Variants in DLGAP2 observed in about 807,000 individuals in gnomAD.
The protein encoded by DLGAP2 is DLG associated protein 2.
In DLGAP2, 26 loss-of-function variants were observed where a neutral mutation model predicts 100.3. The observed-to-expected ratio is 0.26, with a 90% confidence interval of 0.19 to 0.36. The LOEUF (loss-of-function observed/expected upper bound fraction) is 0.36, where lower values mean the gene tolerates loss of function less well. Ranked by LOEUF, DLGAP2 falls within the 10% of genes least tolerant of loss-of-function variation. DLGAP2 has a pLI of 1.00. For missense variants in DLGAP2, 1,858 were observed against 1,453.2 expected, an observed-to-expected ratio of 1.28 and a Z score of -4.53; for synonymous variants, 886 against 630.1, an observed-to-expected ratio of 1.41 and a Z score of -6.08.
intron 3 of DLGAP2, among the ~76,000 whole-genome samples, chr8:1,501,056 A>G (rs943837695): frequency 1.3e-5 from 2 of 152,168 alleles, no homozygotes; most frequent in African/African-American, 4.8e-5. Flanking sequence ...TCCAATGCAA[A>G]TAAGGCCTAA....
chr8:1,635,677 C>T (rs1376292880), intron 8 of DLGAP2, among the ~76,000 whole-genome samples: 1 of 152,124 alleles, frequency 6.6e-6, no homozygotes, highest in Non-Finnish European at 1.5e-5. Flanking sequence ...TTTATGCAGG[C>T]TCAAAAGGTA....
chr8:1,162,057 G>A (rs965963630), intron 2 of DLGAP2, among the ~76,000 whole-genome samples: 7 of 152,206 alleles, frequency 4.6e-5, no homozygotes, highest in African/African-American at 9.6e-5. Flanking sequence ...CGGAGCCTGC[G>A]TTTGCAGCAG....
chr8:1,001,998 C>G (rs1464914966), intron 2 of DLGAP2: 1 of 152,198 alleles, frequency 6.6e-6, no homozygotes, highest in Non-Finnish European at 1.5e-5. Flanking sequence ...TTTTCCTACA[C>G]AATATACGAT....
At chr8:1,471,897 C>G (rs910288780) in intron 3 of DLGAP2, among the ~76,000 whole-genome samples, 2 of 152,216 alleles carry the variant, frequency 1.3e-5, no homozygotes, top group Non-Finnish European at 2.9e-5. Context: ...CGCAGGCCTG[C>G]GGTCCGTAAA....
At chr8:1,494,865 T>C in intron 3 of DLGAP2, among the ~76,000 whole-genome samples, 1 of 152,192 alleles carries the variant, frequency 6.6e-6, no homozygotes, top group East Asian at 1.9e-4. Flanking sequence ...CTAACTCTTC[T>C]GTGGCGGCAG....
At chr8:793,079 C>T (rs1275273520) in intron 1 of DLGAP2, among the ~76,000 whole-genome samples, 1 of 152,220 alleles carries the variant, frequency 6.6e-6, no homozygotes, top group African/African-American at 2.4e-5. Flanking sequence ...TTACTATCAG[C>T]CCTCCTTTCT....
rs149711990 is a variant in DLGAP2 at position 1,322,266 on chromosome 8, A to G, written c.106+63383A>G. Among the ~76,000 whole-genome samples, 599 of 152,364 alleles carry G rather than the reference A, an allele frequency of 3.9e-3. 6 individuals are homozygous for G. Among genetic ancestry groups the G allele is most frequent in the African/African-American group, 0.014 (576 of 41,588 alleles). On this transcript the variant is annotated intron_variant, in intron 3 of 14. Transcript: ENST00000637795. ...GTATTTCATATTTTCCAAAAATACA[A>G]TTTTAGTTAAAAGCCAAGCATACTG...
At chr8:1,557,042 G>A (rs991596495) in intron 5 of DLGAP2, among the ~76,000 whole-genome samples, 1 of 152,116 alleles carries the variant, frequency 6.6e-6, no homozygotes, top group Admixed American at 6.5e-5. Flanking sequence ...CACGGGGGTG[G>A]GGGCTGGGAG....
chr8:982,715 C>G (rs1387982955), intron 2 of DLGAP2, among the ~76,000 whole-genome samples: 1 of 152,124 alleles, frequency 6.6e-6, no homozygotes, highest in Non-Finnish European at 1.5e-5. Context: ...GTGAATGCTG[C>G]TGACCTAACC....
At chr8:1,286,463 G>T (rs553742741) in intron 3 of DLGAP2, among the ~76,000 whole-genome samples, 1 of 152,344 alleles carries the variant, frequency 6.6e-6, no homozygotes, top group African/African-American at 2.4e-5. Flanking sequence ...GTTACCATCT[G>T]TGGAAGAGCT....
At chr8:1,700,708 G>T (rs1394167702) in intron 14 of DLGAP2, among the ~76,000 whole-genome samples, 1 of 152,108 alleles carries the variant, frequency 6.6e-6, no homozygotes, top group African/African-American at 2.4e-5. Flanking sequence ...GTGTTTCCCC[G>T]CACACCCATT....
chr8:1,027,137 T>C (rs949319722), intron 2 of DLGAP2, among the ~76,000 whole-genome samples: 6 of 152,152 alleles, frequency 3.9e-5, no homozygotes, highest in African/African-American at 1.2e-4. Context: ...ACAGAAAAGG[T>C]ATAAACACAA....
At chr8:1,449,681 T>A (rs1286284525) in intron 3 of DLGAP2, among the ~76,000 whole-genome samples, 1 of 152,078 alleles carries the variant, frequency 6.6e-6, no homozygotes, top group African/African-American at 2.4e-5. Context: ...CAGCAGAAGG[T>A]GGGAGCAGGG....
rs190535345 is a variant in DLGAP2, at chr8:968,517, C to T, written c.73+60551C>T. Among the ~76,000 whole-genome samples the T allele has an allele frequency of 9.2e-5, 14 of 152,304 alleles. 1 individual carries two copies. The highest frequency in any genetic ancestry group is 3.9e-4 in the East Asian group (2 of 5,172). ...TCACTCGTGCACTTCTACTAGAAGA[C>T]GGGGCTCCCTGGGATCCCTGTGGGG... On this transcript the variant is annotated intron_variant, in intron 2 of 14. Coordinates refer to ENST00000637795, the MANE Select transcript of DLGAP2 (RefSeq NM_001346810.2).
At chr8:1,423,318 C>T (rs1028449155) in intron 3 of DLGAP2, among the ~76,000 whole-genome samples, 6 of 152,108 alleles carry the variant, frequency 3.9e-5, no homozygotes, top group African/African-American at 1.4e-4. Context: ...ACAGGTTCCC[C>T]CAGGCACCCG....
intron 6 of DLGAP2, among the ~76,000 whole-genome samples, chr8:1,582,055 C>G (rs1298884789): frequency 6.9e-6 from 1 of 145,564 alleles, no homozygotes; most frequent in East Asian, 2.2e-4. Flanking sequence ...CACAGTCAAA[C>G]TACCAGAAGT....
intron 1 of DLGAP2, among the ~76,000 whole-genome samples, chr8:816,507 C>A (rs1432173686): frequency 6.6e-6 from 1 of 152,134 alleles, no homozygotes; most frequent in Non-Finnish European, 1.5e-5. Flanking sequence ...ATGCAAAATT[C>A]TTGGCTGGTA....
In DLGAP2 at chr8:1,565,965, C is replaced by T. The variant is rs548099226; in HGVS notation, c.1442+71C>T. The T allele has an allele frequency of 2.9e-4, 389 of 1,359,802 alleles. 2 individuals are homozygous for T. In the African/African-American group the frequency reaches 5.1e-3, roughly 18 times the overall value. 84.2% of individuals were successfully genotyped at this position (1,359,802 alleles called of 1,614,324 possible). ...CCTGCGAGCTCCCTCTCCAAAACCA[C>T]TTCACCGTGAGCTGAGTGCCATCCA... On this transcript the variant is annotated intron_variant, in intron 6 of 14. Transcript: ENST00000637795.
chr8:870,552 C>G (rs1001664736), intron 1 of DLGAP2, among the ~76,000 whole-genome samples: 5 of 152,156 alleles, frequency 3.3e-5, no homozygotes, highest in African/African-American at 1.2e-4. Flanking sequence ...CCTCTCACTT[C>G]CTGCTCTGTT....
Sources: allele counts gnomAD v4.1 joint callset (sites outside exome capture counted in the v4.1 genomes callset), GRCh38; gene constraint gnomAD v4.1.1; transcripts MANE v1.5; gene names NCBI Gene and HGNC (gene_info 2026-07-23, HGNC 2026-07-21).